Variants in RIN3 observed in about 807,000 individuals in gnomAD.
RIN3 encodes the protein RAB5 interacting protein 3.
A neutral mutation model predicts 76.3 loss-of-function variants in RIN3; 54 were observed. The ratio of observed to expected loss-of-function variants is 0.71; its 90% CI spans 0.57 to 0.89. The LOEUF (loss-of-function observed/expected upper bound fraction) is 0.89, where lower values mean the gene tolerates loss of function less well. Among genes scored for constraint, RIN3 ranks in the 40% least tolerant of loss-of-function variants. The pLI, the probability that RIN3 is intolerant of heterozygous loss-of-function variation, is 0.00. For missense variants in RIN3, 1,256 were observed against 1,322.1 expected (o/e 0.95, Z 0.78); for synonymous variants, 576 against 564.0 (o/e 1.02, Z -0.30).
intron 2 of RIN3, among the ~76,000 whole-genome samples, chr14:92,567,245 C>T (rs562815324): frequency 6.6e-6 from 1 of 152,234 alleles, no homozygotes; most frequent in Non-Finnish European, 1.5e-5. Context: ...GGCCACATGT[C>T]CGTATACCTC....
intron 3 of RIN3, among the ~76,000 whole-genome samples, chr14:92,613,709 G>A (rs1355385008): frequency 6.6e-6 from 1 of 152,186 alleles, no homozygotes; most frequent in East Asian, 1.9e-4. Flanking sequence ...CAGAGGCACT[G>A]AGGGGGGAAA....
At chr14:92,680,374 A>C (rs540711712) in intron 8 of RIN3, among the ~76,000 whole-genome samples, 45 of 152,020 alleles carry the variant, frequency 3.0e-4, no homozygotes, top group African/African-American at 1.0e-3. Flanking sequence ...TAATTTTTGT[A>C]TTTTTAGTAC....
chr14:92,638,573 C>T lies in RIN3; in HGVS notation c.441-2665C>T, dbSNP rs190720294. Among the ~76,000 whole-genome samples the T allele has an allele frequency of 3.8e-3, 574 of 152,188 alleles. 6 individuals are homozygous for T. Among genetic ancestry groups the T allele is most frequent in the African/African-American group, 0.013 (522 of 41,498 alleles). The stretch of plus-strand genomic sequence containing the variant: ...CTGCTGGCTATTGTGATACACACGG[C>T]GACGGAGGAACCATTGGAAACCCCA... On this transcript the variant is annotated intron_variant, in intron 4 of 9. Coordinates refer to ENST00000216487, the MANE Select transcript of RIN3 (RefSeq NM_024832.5).
At chr14:92,564,828 G>A (rs375758176) in intron 2 of RIN3, among the ~76,000 whole-genome samples, 61 of 152,280 alleles carry the variant, frequency 4.0e-4, no homozygotes, top group African/African-American at 1.3e-3. Context: ...ACACACACGC[G>A]CGCGCGCAGG....
intron 3 of RIN3, among the ~76,000 whole-genome samples, chr14:92,610,186 G>A (rs541017538): frequency 1.1e-4 from 16 of 152,170 alleles, no homozygotes; most frequent in Middle Eastern, 3.4e-3. Context: ...GTGTAGCAGC[G>A]TGAATGTACT....
At chr14:92,569,740 C>T (rs543101721) in intron 2 of RIN3, among the ~76,000 whole-genome samples, 152 of 152,186 alleles carry the variant, frequency 1.0e-3, no homozygotes, top group Middle Eastern at 3.4e-3. Context: ...AGCCAGCAAC[C>T]AGGATGTTTC....
chr14:92,558,228 A>G (rs1897656265), intron 2 of RIN3, among the ~76,000 whole-genome samples: 1 of 152,174 alleles, frequency 6.6e-6, no homozygotes, highest in Non-Finnish European at 1.5e-5. Flanking sequence ...GTGCACTTGT[A>G]ATCCCAGCTA....
chr14:92,548,825 A>G (rs1015129763), intron 1 of RIN3, among the ~76,000 whole-genome samples: 1 of 151,944 alleles, frequency 6.6e-6, no homozygotes, highest in Admixed American at 6.6e-5. Flanking sequence ...ATGTACAAGT[A>G]CTGGGGTTAG....
Position 92,685,535 on chromosome 14 carries a change from T to G in RIN3, c.2631+385T>G. The G allele has an allele frequency of 5.1e-6, 1 of 194,708 alleles. No homozygotes were observed. Among genetic ancestry groups the G allele is most frequent in the African/African-American group, 2.3e-5 (1 of 43,834 alleles). 12.1% of individuals were successfully genotyped at this position (194,708 alleles called of 1,614,324 possible). A position where few individuals can be genotyped will look rare whatever the true frequency, so the allele number is the denominator to read the frequency against. On this transcript the variant is annotated intron_variant, in intron 9 of 9. Coordinates refer to ENST00000216487, the MANE Select transcript of RIN3 (RefSeq NM_024832.5). The surrounding 1 kb of genome is among the most constrained non-coding windows in gnomAD (Gnocchi z 4.7). ...CAGGCTCATCTACAGCCTTGCTCCT[T>G]AGTCCCTGGACAAATGCAGCAGCTG...
Position 92,653,002 on chromosome 14 carries a change from CAA to C in RIN3, c.1954_1955del (p.Lys652GlufsTer74), listed in dbSNP as rs761857502. 1.2e-6 allele frequency: 2 copies of C among 1,612,818 alleles called. No individual in the cohort carries two copies. Among genetic ancestry groups the C allele is most frequent in the East Asian group, 4.5e-5 (2 of 44,878 alleles). On this transcript the variant is annotated frameshift_variant, in exon 6 of 10. Transcript: ENST00000216487. LOFTEE classifies it high-confidence loss of function. ...AGATTCGCACCATGATGACCCAGCTCAAGAGCTACCTGCTGCAGAGCACCGAG... is the reference window on the plus strand; with the variant it reads ...AGATTCGCACCATGATGACCCAGCTCGAGCTACCTGCTGCAGAGCACCGAG... The part of the protein sequence containing the change: ...QEIRTMMTQL[K>X]SYLLQSTELK...
chr14:92,527,235 G>T (rs554990292), intron 1 of RIN3, among the ~76,000 whole-genome samples: 75 of 151,296 alleles, frequency 5.0e-4, no homozygotes, highest in African/African-American at 1.7e-3. Context: ...TGTATTTTTA[G>T]TAGAGACGGG....
chr14:92,597,824 A>G (rs1347008677), intron 3 of RIN3, among the ~76,000 whole-genome samples: 2 of 152,098 alleles, frequency 1.3e-5, no homozygotes, highest in African/African-American at 4.8e-5. Context: ...TCTCCTACTG[A>G]GTTATGACGC....
intron 1 of RIN3, among the ~76,000 whole-genome samples, chr14:92,544,426 G>GGGT (rs1897203947): frequency 1.5e-5 from 2 of 135,470 alleles, no homozygotes; most frequent in Non-Finnish European, 3.2e-5. Flanking sequence ...GGGGGGGGGG[G>GGGT]GGGGTGGGGG....
At chr14:92,619,329 CAG>C (rs951439943) in intron 4 of RIN3, among the ~76,000 whole-genome samples, 1 of 150,998 alleles carries the variant, frequency 6.6e-6, no homozygotes, top group African/African-American at 2.4e-5. Context: ...CAAAATGACT[CAG>C]AAATTTTAAA....
chr14:92,629,148 AGAGAGATT>A (rs1415091944), intron 4 of RIN3, among the ~76,000 whole-genome samples: 16 of 100,300 alleles, frequency 1.6e-4, no homozygotes, highest in African/African-American at 5.6e-4. Flanking sequence ...AGAGAGAGAG[AGAGAGATT>A]GATTGATTGA....
At chr14:92,570,775 A>C (rs996357208) in intron 2 of RIN3, among the ~76,000 whole-genome samples, 1 of 152,216 alleles carries the variant, frequency 6.6e-6, no homozygotes, top group Non-Finnish European at 1.5e-5. Flanking sequence ...CAAGGCCAGC[A>C]TTGAAGGTGA....
chr14:92,554,956 A>G (rs1163098577), intron 1 of RIN3, among the ~76,000 whole-genome samples: 1 of 152,198 alleles, frequency 6.6e-6, no homozygotes, highest in African/African-American at 2.4e-5. Context: ...AAACAATAAA[A>G]ATATTAATAA....
At chr14:92,577,907 A>T (rs1898304850) in intron 3 of RIN3, among the ~76,000 whole-genome samples, 2 of 152,218 alleles carry the variant, frequency 1.3e-5, no homozygotes. Context: ...TAATAGTCAC[A>T]GAGCTTTTGT....
At chr14:92,649,066 G>A (rs1009242388) in intron 5 of RIN3, among the ~76,000 whole-genome samples, 1 of 152,006 alleles carries the variant, frequency 6.6e-6, no homozygotes, top group African/African-American at 2.4e-5. Flanking sequence ...CTGCAGACTG[G>A]AATGCCAGGC....
Sources: allele counts gnomAD v4.1 joint callset (sites outside exome capture counted in the v4.1 genomes callset), GRCh38; gene constraint gnomAD v4.1.1; non-coding constraint Gnocchi (gnomAD v3.1); transcripts MANE v1.5; gene names NCBI Gene and HGNC (gene_info 2026-07-23, HGNC 2026-07-21).